ZFHX3: variants seen among roughly 807,000 people sequenced by gnomAD.
ZFHX3 encodes zinc finger homeobox 3, also known as zinc finger homeobox protein 3.
Under a neutral mutation model 279.1 loss-of-function variants are expected in ZFHX3, and 42 were observed. The ratio of observed to expected loss-of-function variants is 0.15; its 90% CI spans 0.12 to 0.19. ZFHX3 has a LOEUF of 0.19. Among genes scored for constraint, ZFHX3 ranks in the 10% least tolerant of loss-of-function variants. The pLI, the probability that ZFHX3 is intolerant of heterozygous loss-of-function variation, is 1.00. For missense variants in ZFHX3, 4,981 were observed against 4,754.0 expected, an observed-to-expected ratio of 1.05 and a Z score of -1.40; for synonymous variants, 2,293 against 1,957.8, an observed-to-expected ratio of 1.17 and a Z score of -4.52.
chr16:73,117,675 A>G (rs1317130583), intron 7 of ZFHX3, among the ~76,000 whole-genome samples: 2 of 152,210 alleles, frequency 1.3e-5, no homozygotes, highest in Admixed American at 6.5e-5. Flanking sequence ...TATAGACCCA[A>G]TGTGTCCCCA....
intron 1 of ZFHX3, among the ~76,000 whole-genome samples, chr16:73,814,490 T>C (rs996187422): frequency 2.6e-5 from 4 of 152,202 alleles, no homozygotes; most frequent in South Asian, 2.1e-4. Context: ...TTGGTAAAGA[T>C]GCATTTACAT....
At chr16:73,538,139 A>C in intron 2 of ZFHX3, among the ~76,000 whole-genome samples, 1 of 152,188 alleles carries the variant, frequency 6.6e-6, no homozygotes, top group African/African-American at 2.4e-5. Flanking sequence ...ATCACGCAGC[A>C]CCTCATCACG....
At chr16:73,579,077 G>T (rs186545588) in intron 2 of ZFHX3, among the ~76,000 whole-genome samples, 1 of 152,152 alleles carries the variant, frequency 6.6e-6, no homozygotes, top group Non-Finnish European at 1.5e-5. Flanking sequence ...TCTGAAGCCC[G>T]CACCTGGAAG....
intron 1 of ZFHX3, among the ~76,000 whole-genome samples, chr16:73,013,281 T>C (rs941654880): frequency 2.6e-5 from 4 of 152,134 alleles, no homozygotes; most frequent in Non-Finnish European, 5.9e-5. Flanking sequence ...TGAAAACTCT[T>C]TATTTTTTTA....
intron 5 of ZFHX3, among the ~76,000 whole-genome samples, chr16:73,234,903 CTTTTA>C (rs2012894385): frequency 6.6e-6 from 1 of 152,042 alleles, no homozygotes; most frequent in African/African-American, 2.4e-5. Flanking sequence ...ATAGTACTTG[CTTTTA>C]TTTTAATCTC....
chr16:73,546,910 C>T (rs555784102), intron 2 of ZFHX3, among the ~76,000 whole-genome samples: 55 of 152,132 alleles, frequency 3.6e-4, no homozygotes, highest in African/African-American at 1.3e-3. Context: ...TTGTGTGTCC[C>T]TCATTCTGTC....
At chr16:73,514,723 C>T (rs1390848492) in intron 2 of ZFHX3, among the ~76,000 whole-genome samples, 1 of 152,174 alleles carries the variant, frequency 6.6e-6, no homozygotes, top group East Asian at 1.9e-4. Context: ...CTGAGACTAC[C>T]TCCTGCTAAA....
chr16:73,709,311 G>A (rs2053334617), intron 1 of ZFHX3, among the ~76,000 whole-genome samples: 1 of 151,710 alleles, frequency 6.6e-6, no homozygotes, highest in South Asian at 2.1e-4. Flanking sequence ...GTTAAAGTGA[G>A]CTATGATTGC....
At chr16:73,450,927 A>C (rs1359284602) in intron 3 of ZFHX3, among the ~76,000 whole-genome samples, 1 of 152,166 alleles carries the variant, frequency 6.6e-6, no homozygotes, top group Non-Finnish European at 1.5e-5. Flanking sequence ...GTTGAGCTTC[A>C]TGAGTATTAA....
intron 2 of ZFHX3, among the ~76,000 whole-genome samples, chr16:73,617,435 AT>A (rs2052315960): frequency 6.6e-6 from 1 of 152,264 alleles, no homozygotes; most frequent in African/African-American, 2.4e-5. Flanking sequence ...AATTATTTGT[AT>A]ACTAAATAGG....
intron 3 of ZFHX3, among the ~76,000 whole-genome samples, chr16:73,442,993 C>T (rs2018121001): frequency 6.6e-6 from 1 of 152,166 alleles, no homozygotes; most frequent in Non-Finnish European, 1.5e-5. Context: ...TCTAAGGACA[C>T]CAGTGATATT....
chr16:73,541,732 T>C (rs996845785), intron 2 of ZFHX3, among the ~76,000 whole-genome samples: 1 of 145,612 alleles, frequency 6.9e-6, no homozygotes, highest in Admixed American at 6.9e-5. Flanking sequence ...TCGCCATTCC[T>C]CCTTCTGTCT....
intron 4 of ZFHX3, among the ~76,000 whole-genome samples, chr16:72,833,425 T>C (rs1453470300): frequency 6.6e-6 from 1 of 152,108 alleles, no homozygotes; most frequent in Non-Finnish European, 1.5e-5. Context: ...TTTTCCCCTA[T>C]AATATTAGCT....
chr16:72,802,782 C>T (rs1359143452), intron 7 of ZFHX3, among the ~76,000 whole-genome samples: 6 of 152,194 alleles, frequency 3.9e-5, no homozygotes, highest in African/African-American at 1.4e-4. Flanking sequence ...ATTCTTCCCT[C>T]TCCTACCAGC....
intron 5 of ZFHX3, among the ~76,000 whole-genome samples, chr16:73,239,291 T>C (rs2013046896): frequency 6.6e-6 from 1 of 152,228 alleles, no homozygotes; most frequent in Non-Finnish European, 1.5e-5. Flanking sequence ...TTGACTTCTT[T>C]CAGGCGAGAG....
At chr16:73,040,280 G>A (rs976868387) in intron 1 of ZFHX3, among the ~76,000 whole-genome samples, 1 of 152,136 alleles carries the variant, frequency 6.6e-6, no homozygotes, top group Non-Finnish European at 1.5e-5. Flanking sequence ...AGGGACAGGC[G>A]AGGCCAAGAC....
At chr16:73,694,621 C>T (rs1428075647) in intron 1 of ZFHX3, among the ~76,000 whole-genome samples, 2 of 152,132 alleles carry the variant, frequency 1.3e-5, no homozygotes, top group African/African-American at 2.4e-5. Flanking sequence ...GGATTACAGG[C>T]GTGAGCCACT....
chr16:73,171,009 G>GT, intron 5 of ZFHX3, among the ~76,000 whole-genome samples: 1 of 152,278 alleles, frequency 6.6e-6, no homozygotes, highest in African/African-American at 2.4e-5. Context: ...CCAGAATGCG[G>GT]TGGAACCTGT....
At chr16:73,186,408 A>G (rs1033010938) in intron 5 of ZFHX3, among the ~76,000 whole-genome samples, 1 of 152,152 alleles carries the variant, frequency 6.6e-6, no homozygotes, top group Admixed American at 6.5e-5. Context: ...CTGTAACTGC[A>G]AAATATGGAC....
Sources: allele counts gnomAD v4.1 joint callset (sites outside exome capture counted in the v4.1 genomes callset), GRCh38; gene constraint gnomAD v4.1.1; transcripts MANE v1.5; gene names NCBI Gene and HGNC (gene_info 2026-07-23, HGNC 2026-07-21).